The following SAMD3 variants were observed in gnomAD, a reference collection of about 807,000 sequenced individuals.
SAMD3 encodes the protein sterile alpha motif domain containing 3.
A neutral mutation model predicts 58.5 loss-of-function variants in SAMD3; 63 were observed. That is an observed-to-expected ratio of 1.08 (90% confidence interval 0.88 to 1.33). The LOEUF (loss-of-function observed/expected upper bound fraction) is 1.33. SAMD3 is among the 40% of genes most tolerant of loss of function. SAMD3 has a pLI of 0.00. For missense variants in SAMD3, 604 were observed against 608.4 expected (o/e 0.99, Z 0.08); for synonymous variants, 220 against 210.3 (o/e 1.05, Z -0.40).
In SAMD3 at chr6:130,214,484, C is replaced by CGATCA; in HGVS notation, c.117_121dup (p.Arg41LeufsTer9). On this transcript the variant is annotated frameshift_variant, in exon 4 of 12. Coordinates refer to ENST00000439090, the MANE Select transcript of SAMD3 (RefSeq NM_001017373.4). LOFTEE classifies it high-confidence loss of function. ...TTTCTTTACCAGTTGCTGAACCATC[C>CGATCA]GATCATTAAGTGCAAGAAGAGCGGC... 1 of 1,610,408 alleles carries CGATCA rather than the reference C, an allele frequency of 6.2e-7. No homozygotes were observed. The highest frequency in any genetic ancestry group is 8.5e-7 in the Non-Finnish European group (1 of 1,178,360).
At chr6:130,339,298 C>T (rs1777198472) in intron 1 of SAMD3, among the ~76,000 whole-genome samples, 1 of 152,122 alleles carries the variant, frequency 6.6e-6, no homozygotes, top group African/African-American at 2.4e-5. Context: ...CCACCCACCT[C>T]AGCTTCCCAA....
rs1795865881 is a variant in SAMD3 at position 130,214,521 on chromosome 6, C to A, written c.85G>T (p.Glu29Ter). 1 of 1,579,002 alleles carries A rather than the reference C, an allele frequency of 6.3e-7. No homozygotes were observed. The highest frequency in any genetic ancestry group is 8.6e-7 in the Non-Finnish European group (1 of 1,165,958). ...GCAAGAAGAGCGGCCCCACTTACTT[C>A]TTCCTCTGGGAAAAAGAAAAAAAAT... ...GELVHRFQEE[E>*]VSGAALLALN... The change falls in exon 4 of 12, where the codon GAA (glutamate) becomes TAA (stop). Residue 29 changes from glutamate to a stop codon, truncating the protein, a stop_gained. Coordinates refer to ENST00000439090, the MANE Select transcript of SAMD3 (RefSeq NM_001017373.4). LOFTEE classifies it high-confidence loss of function.
chr6:130,156,971 G>A (rs1789839636), intron 8 of SAMD3, among the ~76,000 whole-genome samples: 2 of 152,172 alleles, frequency 1.3e-5, no homozygotes, highest in South Asian at 4.2e-4. Flanking sequence ...CCGGGGGACT[G>A]AGACAGGAGA....
intron 9 of SAMD3, among the ~76,000 whole-genome samples, chr6:130,153,814 C>T (rs1789473191): frequency 6.6e-6 from 1 of 151,666 alleles, no homozygotes; most frequent in Non-Finnish European, 1.5e-5. Context: ...ATAGTTGGGA[C>T]TACAGGCACG....
intron 1 of SAMD3, among the ~76,000 whole-genome samples, chr6:130,336,437 A>G (rs1262181974): frequency 1.3e-5 from 2 of 152,224 alleles, no homozygotes; most frequent in East Asian, 1.9e-4. Context: ...TTTGTTCTAA[A>G]AAAAGGAAGA....
chr6:130,294,909 ATTTTTTTTTTTTTT>A (rs774036634), intron 2 of SAMD3, among the ~76,000 whole-genome samples: 21,804 of 56,980 alleles, frequency 0.38, 2,629 homozygotes, highest in East Asian at 0.58. Flanking sequence ...CATTTCTCTG[ATTTTTTTTTTTTTT>A]TTTTTTTTTT....
chr6:130,213,429 C>T (rs1462338901), intron 4 of SAMD3, among the ~76,000 whole-genome samples: 1 of 151,710 alleles, frequency 6.6e-6, no homozygotes, highest in African/African-American at 2.4e-5. Flanking sequence ...TAGGAATAAA[C>T]TTGCTTATGT....
chr6:130,359,967 A>G (rs1295802943), intron 1 of SAMD3, among the ~76,000 whole-genome samples: 1 of 152,220 alleles, frequency 6.6e-6, no homozygotes, highest in Non-Finnish European at 1.5e-5. Flanking sequence ...GTTTCCAGCC[A>G]TGGCCCTGTC....
rs970893817 is a variant in SAMD3, at chr6:130,237,535, AT to A, written c.-187-14723del. On this transcript the variant is annotated intron_variant, in intron 2 of 13. Transcript: ENST00000368134. ...AGAGATATATTTTGATAAGGGTCAG[AT>A]TTTTTTTTTACTGCTTTAAAATGTC... Among the ~76,000 whole-genome samples, 419 of 149,898 alleles carry A rather than the reference AT, an allele frequency of 2.8e-3. 1 individual carries two copies. Among genetic ancestry groups the A allele is most frequent in the African/African-American group, 9.2e-3 (377 of 41,064 alleles).
At chr6:130,247,985 T>C (rs1773609751) in intron 2 of SAMD3, among the ~76,000 whole-genome samples, 1 of 152,202 alleles carries the variant, frequency 6.6e-6, no homozygotes, top group Non-Finnish European at 1.5e-5. Flanking sequence ...GTATTCCTAA[T>C]ATATTTAGTG....
intron 7 of SAMD3, chr6:130,176,249 C>A: frequency 1.9e-6 from 1 of 538,004 alleles, no homozygotes; most frequent in Non-Finnish European, 3.3e-6. Context: ...AAATATAAAT[C>A]TTTTCCCAAT....
chr6:130,197,888 C>G (rs929921232), intron 5 of SAMD3, among the ~76,000 whole-genome samples: 2 of 152,148 alleles, frequency 1.3e-5, no homozygotes, highest in Non-Finnish European at 2.9e-5. Flanking sequence ...TCCAGATGGC[C>G]GGTTCCTGCC....
intron 2 of SAMD3, among the ~76,000 whole-genome samples, chr6:130,253,160 A>T (rs1459908621): frequency 1.3e-5 from 2 of 152,202 alleles, no homozygotes; most frequent in Non-Finnish European, 1.5e-5. Context: ...CACTACTTCC[A>T]GCACATCCTT....
chr6:130,210,555 T>C (rs986445324), intron 4 of SAMD3, among the ~76,000 whole-genome samples: 3 of 147,278 alleles, frequency 2.0e-5, no homozygotes, highest in Admixed American at 6.8e-5. Flanking sequence ...GCTGAAATCA[T>C]GCCATTGCAC....
Position 130,200,726 on chromosome 6 carries a change from CTG to C in SAMD3, c.383+8767_383+8768del, listed in dbSNP as rs202088647. Among the ~76,000 whole-genome samples, 8 of 152,164 alleles carry C rather than the reference CTG, an allele frequency of 5.3e-5. No homozygotes were observed. The East Asian group carries it at 1.5e-3, about 29-fold the overall frequency. On this transcript the variant is annotated intron_variant, in intron 5 of 11. Transcript: ENST00000439090. ...AGTAGCTACTGAGGAATATAGAAAA[CTG>C]GGTCTTTAAACAAAAATGAGGAGGG...
chr6:130,328,732 C>G (rs1466580801), intron 1 of SAMD3, among the ~76,000 whole-genome samples: 1 of 152,180 alleles, frequency 6.6e-6, no homozygotes, highest in East Asian at 1.9e-4. Context: ...CTTAGAAAAG[C>G]CTTCCATTTG....
At chr6:130,228,339 G>T (rs1321172772) in intron 2 of SAMD3, among the ~76,000 whole-genome samples, 1 of 152,142 alleles carries the variant, frequency 6.6e-6, no homozygotes, top group African/African-American at 2.4e-5. Context: ...AACCCGTTGT[G>T]CATTAAAAAT....
chr6:130,159,745 T>A (rs1039518328), intron 8 of SAMD3: 2 of 151,950 alleles, frequency 1.3e-5, no homozygotes, highest in Non-Finnish European at 2.9e-5. Context: ...GGAACAAATA[T>A]AATTAGTAAA....
intron 4 of SAMD3, 87 bp downstream of exon 4, chr6:130,214,250 C>T (rs917584407): frequency 7.2e-6 from 8 of 1,117,194 alleles, no homozygotes; most frequent in East Asian, 2.7e-5. Flanking sequence ...CACAGTTTTC[C>T]AAGGGCTTTA....
Sources: allele counts gnomAD v4.1 joint callset (sites outside exome capture counted in the v4.1 genomes callset), GRCh38; gene constraint gnomAD v4.1.1; transcripts MANE v1.5; gene names NCBI Gene and HGNC (gene_info 2026-07-23, HGNC 2026-07-21).